Variants in ABLIM2 observed in about 807,000 individuals in gnomAD.
ABLIM2 encodes the protein actin-binding LIM protein 2.
Under a neutral mutation model 97.7 loss-of-function variants are expected in ABLIM2, and 53 were observed. That is an observed-to-expected ratio of 0.54 (90% CI 0.44 to 0.68). The LOEUF is 0.68. ABLIM2 is among the 30% of genes least tolerant of loss of function. ABLIM2 has a pLI of 0.00. For synonymous variants in ABLIM2, 361 were observed against 345.8 expected (o/e 1.04, Z -0.49); for missense variants, 835 against 867.2 (o/e 0.96, Z 0.47).
intron 12 of ABLIM2, among the ~76,000 whole-genome samples, chr4:8,025,015 C>T (rs760325198): frequency 2.0e-5 from 3 of 152,184 alleles, no homozygotes; most frequent in Non-Finnish European, 2.9e-5. Flanking sequence ...CTGCAACCTC[C>T]GCCTCCTGGA....
chr4:8,054,210 G>T lies in ABLIM2; in HGVS notation c.800C>A (p.Ala267Asp), dbSNP rs1231041092. The change falls in exon 8 of 21, where the codon GCC (alanine) becomes GAC (aspartate). Residue 267 changes from alanine to aspartate, a missense_variant. Coordinates refer to ENST00000447017, the MANE Select transcript of ABLIM2 (RefSeq NM_001130083.2). The surrounding 1 kb of genome is among the most constrained non-coding windows in gnomAD (Gnocchi z 4.9). ...SIWHPACRQA[A>D]RTEDRNKETR... ...AACCTTGTTTCTGTCTTCAGTTCTGGCTGCTTGTCGACACGCCGGATGCCA... is the reference window on the plus strand; with the variant it reads ...AACCTTGTTTCTGTCTTCAGTTCTGTCTGCTTGTCGACACGCCGGATGCCA... The T allele has an allele frequency of 6.2e-7, 1 of 1,614,072 alleles. No homozygotes were observed. Among genetic ancestry groups the T allele is most frequent in the South Asian group, 1.1e-5 (1 of 91,090 alleles).
In ABLIM2 at chr4:7,996,009, G is replaced by A. The variant is rs76285097; in HGVS notation, c.1619-3082C>T. On this transcript the variant is annotated intron_variant, in intron 16 of 20. Transcript: ENST00000447017. This position sits in a 1 kb window ranked among gnomAD's most constrained non-coding sequence, Gnocchi z 4.5. ...CAAGGCCTCCTGCCTTGCAGTCCTG[G>A]GGTCCTCCAGGAGACACCTTCCTCC... is the stretch of plus-strand genomic sequence containing the variant. Among the ~76,000 whole-genome samples, 2 of 152,102 alleles carry A rather than the reference G, an allele frequency of 1.3e-5. No individual in the cohort carries two copies. Among genetic ancestry groups the A allele is most frequent in the African/African-American group, 4.8e-5 (2 of 41,420 alleles).
At position 8,132,437 on chromosome 4, in the gene ABLIM2, G is replaced by T. The variant is rs1849564167; in HGVS notation, c.11-25800C>A. Among the ~76,000 whole-genome samples the T allele has an allele frequency of 6.6e-6, 1 of 152,154 alleles. No homozygotes were observed. The highest frequency in any genetic ancestry group is 2.4e-5 in the African/African-American group (1 of 41,432). On this transcript the variant is annotated intron_variant, in intron 1 of 20. Coordinates refer to ENST00000447017, the MANE Select transcript of ABLIM2 (RefSeq NM_001130083.2). This position sits in a 1 kb window ranked among gnomAD's most constrained non-coding sequence, Gnocchi z 8.0. ...TGCTTTTTCAGGATTGTAAAACTTA[G>T]GTTTAGAGGGATCTGAGACCATCCA...
intron 7 of ABLIM2, among the ~76,000 whole-genome samples, chr4:8,056,112 C>CAAAAAAAAAAAAAAAAAAAAA (rs60992903): frequency 2.8e-4 from 19 of 68,356 alleles, no homozygotes; most frequent in Non-Finnish European, 4.5e-4. Flanking sequence ...GACTCTGTCT[C>CAAAAAAAAAAAAAAAAAAAAA]AAAAAAAAAA....
intron 3 of ABLIM2, among the ~76,000 whole-genome samples, chr4:8,096,382 A>G (rs1326261164): frequency 1.3e-5 from 2 of 152,208 alleles, no homozygotes; most frequent in Non-Finnish European, 2.9e-5. Flanking sequence ...CTCATCTCTA[A>G]GCCACGTACA....
rs1245181419 is a variant in ABLIM2 at position 8,044,552 on chromosome 4, C to T, written c.900+612G>A. Among the ~76,000 whole-genome samples, 1 of 151,896 alleles carries T rather than the reference C, an allele frequency of 6.6e-6. No homozygotes were observed. Among genetic ancestry groups the T allele is most frequent in the Non-Finnish European group, 1.5e-5 (1 of 68,016 alleles). ...TAATCTCCCATCTCGAATCCCACCA[C>T]CCAGAGGAAATTTCTGGTAACAACT... is the stretch of plus-strand genomic sequence containing the variant. On this transcript the variant is annotated intron_variant, in intron 9 of 20. Coordinates refer to ENST00000447017, the MANE Select transcript of ABLIM2 (RefSeq NM_001130083.2). The surrounding 1 kb of genome is among the most constrained non-coding windows in gnomAD (Gnocchi z 4.4).
At chr4:7,989,096 G>A (rs796755668) in intron 17 of ABLIM2, among the ~76,000 whole-genome samples, 34 of 14,784 alleles carry the variant, frequency 2.3e-3, no homozygotes, top group African/African-American at 7.8e-3. Context: ...TTTTTTTTTT[G>A]AGACAGAGTT....
chr4:7,997,617 T>C (rs1754180412), intron 16 of ABLIM2, among the ~76,000 whole-genome samples: 1 of 152,186 alleles, frequency 6.6e-6, no homozygotes, highest in South Asian at 2.1e-4. Context: ...TATATTTCTT[T>C]GGTGAGGCTT....
At chr4:8,101,332 A>G (rs911702278) in intron 2 of ABLIM2, among the ~76,000 whole-genome samples, 2 of 152,152 alleles carry the variant, frequency 1.3e-5, no homozygotes. Context: ...TGTGATCTTG[A>G]CACTCGTGCC....
At chr4:7,993,872 ACTCATGTCCCTGG>A in intron 16 of ABLIM2, 1 of 489,970 alleles carries the variant, frequency 2.0e-6, no homozygotes, top group Non-Finnish European at 4.1e-6. Flanking sequence ...TCCCTCCATC[ACTCATGTCCCTGG>A]CTGGCCCTGG....
At chr4:8,088,121 C>A (rs750370237) in intron 4 of ABLIM2, 48 bp downstream of exon 4, 2 of 861,912 alleles carry the variant, frequency 2.3e-6, no homozygotes, top group South Asian at 3.5e-5. Context: ...TAGCACCCCC[C>A]ACTCAGCATG....
chr4:8,029,020 C>T (rs142047792), intron 11 of ABLIM2, among the ~76,000 whole-genome samples: 40 of 152,302 alleles, frequency 2.6e-4, no homozygotes, highest in African/African-American at 8.7e-4. Flanking sequence ...GGCTTTGACA[C>T]GCTCAGGGGG....
At position 8,010,612 on chromosome 4, in the gene ABLIM2, G is replaced by A. The variant is rs149970957; in HGVS notation, c.1424-1510C>T. ...TCCGTTCCGAATACACTAACATCTC[G>A]TTACTCTCAACGGCTACCTGTTTCT... On this transcript the variant is annotated intron_variant, in intron 14 of 20. Coordinates refer to ENST00000447017, the MANE Select transcript of ABLIM2 (RefSeq NM_001130083.2). 125 of 976,400 alleles carry A rather than the reference G, an allele frequency of 1.3e-4. No individual in the cohort carries two copies. In the East Asian group the frequency reaches 0.01, roughly 82 times the overall value. The allele number at this position is 976,400 out of a possible 1,614,324, so 60.5% of individuals were successfully genotyped here.
chr4:7,983,384 A>G (rs758307287), intron 19 of ABLIM2, 40 bp from the exon 20 acceptor site: 3 of 1,598,632 alleles, frequency 1.9e-6, no homozygotes, highest in Non-Finnish European at 2.6e-6. Flanking sequence ...TCACGAAGCA[A>G]GTGTATGCTG....
At chr4:8,065,205 T>A (rs1806238940) in intron 6 of ABLIM2, among the ~76,000 whole-genome samples, 6 of 152,166 alleles carry the variant, frequency 3.9e-5, no homozygotes, top group Admixed American at 3.9e-4. Context: ...TGAGCTCTGA[T>A]CATGCCACTG....
chr4:7,983,872 A>G (rs1417616992), intron 18 of ABLIM2, among the ~76,000 whole-genome samples: 3 of 152,254 alleles, frequency 2.0e-5, no homozygotes, highest in Non-Finnish European at 4.4e-5. Flanking sequence ...GAAAGATGCC[A>G]GCCTCAGTTT....
chr4:8,096,426 G>C (rs1181094808), intron 3 of ABLIM2, among the ~76,000 whole-genome samples: 1 of 152,288 alleles, frequency 6.6e-6, no homozygotes, highest in Admixed American at 6.5e-5. Flanking sequence ...CCCTGGGAGA[G>C]AGAGGTCTGA....
intron 1 of ABLIM2, among the ~76,000 whole-genome samples, chr4:8,133,862 C>T (rs533278051): frequency 1.3e-5 from 2 of 152,340 alleles, no homozygotes; most frequent in African/African-American, 2.4e-5. Flanking sequence ...TGTCCCTGCC[C>T]ACACCACAGT....
intron 6 of ABLIM2, among the ~76,000 whole-genome samples, chr4:8,073,040 A>G (rs1289973484): frequency 6.6e-6 from 1 of 152,014 alleles, no homozygotes; most frequent in South Asian, 2.1e-4. Context: ...GAGTCTCTGC[A>G]GTGGGGACTT....
Sources: gnomAD v4.1 joint callset for allele counts (sites outside exome capture counted in the v4.1 genomes callset) on GRCh38, gnomAD v4.1.1 for gene constraint, Gnocchi (gnomAD v3.1) non-coding constraint, MANE v1.5 for transcripts, NCBI Gene and HGNC (gene_info 2026-07-23, HGNC 2026-07-21) for gene names.